Variants in RARB observed in about 807,000 individuals in gnomAD.
The protein encoded by RARB is HBV-activated protein.
A neutral mutation model predicts 51.9 loss-of-function variants in RARB; 17 were observed. The ratio of observed to expected loss-of-function variants is 0.33; its 90% CI spans 0.22 to 0.49. The LOEUF is 0.49. Ranked by LOEUF, RARB falls within the 20% of genes least tolerant of loss-of-function variation. The probability of loss-of-function intolerance (pLI) is 0.99; values close to 1 mark genes in which losing one functional copy is unlikely to be tolerated. For missense variants in RARB, 369 were observed against 550.8 expected, an observed-to-expected ratio of 0.67 and a Z score of 3.30; for synonymous variants, 215 against 195.4, an observed-to-expected ratio of 1.10 and a Z score of -0.84.
rs114117707 is a variant in RARB, at chr3:24,924,651, A to G, written c.-380+65899A>G. 8.4e-3 allele frequency among the ~76,000 whole-genome samples: 1,274 copies of G among 152,268 alleles called. 18 individuals carry two copies. The highest frequency in any genetic ancestry group is 0.029 in the African/African-American group (1,225 of 41,556). On this transcript the variant is annotated intron_variant, in intron 2 of 11. Coordinates refer to the RARB transcript ENST00000383772. ...TGACAATTGTGTCATATGTAATACT[A>G]TTGATGTCAATGAGGTTATGCTATT...
rs539301638 is a variant in RARB, at chr3:25,011,985, A to C, written c.-379-48140A>C. On this transcript the variant is annotated intron_variant, in intron 2 of 11. Transcript: ENST00000383772. ...GGATTCTGATATTAACAGGGCAGAC[A>C]GGACTGACATCATCTGCACTGGATT... is the stretch of plus-strand genomic sequence containing the variant. Among the ~76,000 whole-genome samples, 5 of 152,288 alleles carry C rather than the reference A, an allele frequency of 3.3e-5. No homozygotes were observed. The East Asian group carries it at 9.6e-4, about 29-fold the overall frequency.
At chr3:25,234,087 A>G (rs2125392014) in intron 5 of RARB, among the ~76,000 whole-genome samples, 2 of 152,198 alleles carry the variant, frequency 1.3e-5, no homozygotes, top group South Asian at 4.1e-4. Context: ...CAGAATTGAG[A>G]AATATTACTT....
chr3:25,321,352 G>A (rs1436259450), intron 5 of RARB, among the ~76,000 whole-genome samples: 1 of 152,112 alleles, frequency 6.6e-6, no homozygotes, highest in African/African-American at 2.4e-5. Flanking sequence ...ATAATACACT[G>A]TCTTTTTTGT....
At chr3:24,875,023 G>A (rs1462740987) in intron 2 of RARB, among the ~76,000 whole-genome samples, 1 of 151,864 alleles carries the variant, frequency 6.6e-6, no homozygotes, top group African/African-American at 2.4e-5. Context: ...GTAAACCTTA[G>A]AATGCATTAA....
intron 5 of RARB, among the ~76,000 whole-genome samples, chr3:25,278,819 T>A (rs539998639): frequency 5.9e-5 from 9 of 152,328 alleles, no homozygotes; most frequent in East Asian, 5.8e-4. Context: ...TACTAAAGGA[T>A]AACACAAATG....
At chr3:24,843,476 G>A (rs1269522694) in intron 1 of RARB, among the ~76,000 whole-genome samples, 1 of 152,128 alleles carries the variant, frequency 6.6e-6, no homozygotes, top group African/African-American at 2.4e-5. Context: ...AGAATTAGTT[G>A]AATTTACATA....
At chr3:25,507,586 G>T (rs560362406) in intron 3 of RARB, among the ~76,000 whole-genome samples, 1 of 152,326 alleles carries the variant, frequency 6.6e-6, no homozygotes, top group Admixed American at 6.5e-5. Flanking sequence ...GCTTTTGCCA[G>T]TGAAAAAGGC....
chr3:25,437,248 A>AG (rs1708474828), intron 1 of RARB, among the ~76,000 whole-genome samples: 1 of 151,530 alleles, frequency 6.6e-6, no homozygotes, highest in African/African-American at 2.4e-5. Context: ...GCCCTGATTC[A>AG]GGGGCATCCA....
At chr3:25,546,602 G>A (rs1699628425) in intron 3 of RARB, among the ~76,000 whole-genome samples, 1 of 152,024 alleles carries the variant, frequency 6.6e-6, no homozygotes. Context: ...ATTAGTGCCA[G>A]AGAAAAGCTA....
At chr3:24,967,507 T>C in intron 2 of RARB, among the ~76,000 whole-genome samples, 1 of 152,110 alleles carries the variant, frequency 6.6e-6, no homozygotes, top group South Asian at 2.1e-4. Flanking sequence ...GTACCAAGTG[T>C]AGTGTTTCTC....
At chr3:25,116,977 C>G (rs1699698067) in intron 3 of RARB, among the ~76,000 whole-genome samples, 2 of 152,112 alleles carry the variant, frequency 1.3e-5, no homozygotes, top group African/African-American at 4.8e-5. Flanking sequence ...ATAAGAGCAA[C>G]TTTACAGGTT....
intron 2 of RARB, among the ~76,000 whole-genome samples, chr3:25,030,108 T>C (rs1167084095): frequency 6.6e-6 from 1 of 152,236 alleles, no homozygotes; most frequent in African/African-American, 2.4e-5. Flanking sequence ...TCAAGTAGAT[T>C]GTATTGCTAG....
At chr3:25,016,851 C>G (rs761187706) in intron 2 of RARB, among the ~76,000 whole-genome samples, 1 of 151,996 alleles carries the variant, frequency 6.6e-6, no homozygotes, top group African/African-American at 2.4e-5. Context: ...GAACAAACAC[C>G]GGTAAAAGCT....
chr3:25,584,539 G>GA (rs1701306217), intron 5 of RARB, among the ~76,000 whole-genome samples: 1 of 152,174 alleles, frequency 6.6e-6, no homozygotes, highest in South Asian at 2.1e-4. Context: ...GAGTCGTGGG[G>GA]AGCCTAGAGA....
intron 5 of RARB, among the ~76,000 whole-genome samples, chr3:25,316,898 A>T (rs1245076718): frequency 6.6e-6 from 1 of 152,214 alleles, no homozygotes; most frequent in African/African-American, 2.4e-5. Context: ...TATCCAGTTA[A>T]CCGTCTCATT....
intron 5 of RARB, among the ~76,000 whole-genome samples, chr3:25,321,430 C>T (rs943040701): frequency 6.6e-6 from 1 of 151,962 alleles, no homozygotes; most frequent in African/African-American, 2.4e-5. Context: ...TTAAATTATG[C>T]TATCAGGTCG....
chr3:25,107,859 C>T (rs1575163858), intron 3 of RARB, among the ~76,000 whole-genome samples: 1 of 152,134 alleles, frequency 6.6e-6, no homozygotes, highest in South Asian at 2.1e-4. Flanking sequence ...TAGATCTTAG[C>T]AACCTCAGCA....
chr3:25,569,343 A>C (rs774149877), intron 3 of RARB, among the ~76,000 whole-genome samples: 4 of 152,210 alleles, frequency 2.6e-5, no homozygotes, highest in Non-Finnish European at 4.4e-5. Context: ...AGGAAATACT[A>C]ATTATGAAGT....
At chr3:25,201,195 G>A (rs1471349338) in intron 5 of RARB, among the ~76,000 whole-genome samples, 2 of 150,972 alleles carry the variant, frequency 1.3e-5, no homozygotes, top group African/African-American at 4.9e-5. Context: ...TGAAGCAATT[G>A]TGAATGGGAG....
Sources: allele counts gnomAD v4.1 joint callset (sites outside exome capture counted in the v4.1 genomes callset), GRCh38; gene constraint gnomAD v4.1.1; transcripts MANE v1.5; gene names NCBI Gene and HGNC (gene_info 2026-07-23, HGNC 2026-07-21).